Variants in CTNNA3 observed in about 807,000 individuals in gnomAD.
CTNNA3 encodes catenin alpha 3.
A neutral mutation model predicts 95.7 loss-of-function variants in CTNNA3; 76 were observed. That is an observed-to-expected ratio of 0.79 (90% CI 0.66 to 0.96). CTNNA3 has a LOEUF of 0.96. Ranked by LOEUF, CTNNA3 falls within the 40% of genes least tolerant of loss-of-function variation. CTNNA3 has a pLI of 0.00. For synonymous variants in CTNNA3, 431 were observed against 374.4 expected, an observed-to-expected ratio of 1.15 and a Z score of -1.74; for missense variants, 1,191 against 1,089.8, an observed-to-expected ratio of 1.09 and a Z score of -1.31.
intron 7 of CTNNA3, among the ~76,000 whole-genome samples, chr10:66,780,405 A>G (rs200149387): frequency 5.1e-5 from 1 of 19,640 alleles, no homozygotes; most frequent in African/African-American, 1.5e-4. Flanking sequence ...GGACTCTATA[A>G]TAGAGTAACC....
intron 5 of CTNNA3, among the ~76,000 whole-genome samples, chr10:67,427,607 T>A (rs1210973193): frequency 6.6e-6 from 1 of 152,054 alleles, no homozygotes; most frequent in Middle Eastern, 3.2e-3. Flanking sequence ...ATTATGTGTA[T>A]ATGAATATAT....
intron 5 of CTNNA3, among the ~76,000 whole-genome samples, chr10:67,432,513 G>C (rs1846142258): frequency 6.6e-6 from 1 of 151,974 alleles, no homozygotes; most frequent in South Asian, 2.1e-4. Flanking sequence ...CCAGCTCCTG[G>C]TGGTTCCAGG....
intron 5 of CTNNA3, among the ~76,000 whole-genome samples, chr10:67,370,861 T>G (rs1202394989): frequency 6.9e-6 from 1 of 145,048 alleles, no homozygotes; most frequent in African/African-American, 2.7e-5. Flanking sequence ...TAAGAGGAAG[T>G]TTTTTTTGTT....
At chr10:66,415,453 G>A (rs748324957) in intron 11 of CTNNA3, among the ~76,000 whole-genome samples, 6 of 152,022 alleles carry the variant, frequency 3.9e-5, no homozygotes, top group East Asian at 3.9e-4. Context: ...ACTGCCACTC[G>A]CATTGCCTAC....
intron 15 of CTNNA3, among the ~76,000 whole-genome samples, chr10:65,997,042 T>C (rs542837242): frequency 6.6e-6 from 1 of 152,244 alleles, no homozygotes; most frequent in South Asian, 2.1e-4. Context: ...AATCCCATTA[T>C]CTATTCTCCA....
chr10:66,629,395 A>G (rs1845054746), intron 9 of CTNNA3, among the ~76,000 whole-genome samples: 1 of 152,054 alleles, frequency 6.6e-6, no homozygotes, highest in Non-Finnish European at 1.5e-5. Context: ...AATATCTCAA[A>G]TCATGTATTA....
Position 66,968,308 on chromosome 10 carries a change from T to C in CTNNA3, c.1048-192784A>G, listed in dbSNP as rs1007880329. On this transcript the variant is annotated intron_variant, in intron 7 of 17. Transcript: ENST00000433211. ...ATTCTACAGTATGGCAAGTAAGGAATATCAGACACTATTTTAGAGTATATA... is the reference window on the plus strand; with the variant it reads ...ATTCTACAGTATGGCAAGTAAGGAACATCAGACACTATTTTAGAGTATATA... Among the ~76,000 whole-genome samples the C allele has an allele frequency of 6.0e-5, 9 of 150,988 alleles. No homozygotes were observed. The South Asian group carries it at 1.5e-3, about 24-fold the overall frequency.
At chr10:67,737,384 A>G (rs903323610) in intron 1 of CTNNA3, among the ~76,000 whole-genome samples, 22 of 152,178 alleles carry the variant, frequency 1.4e-4, no homozygotes, top group African/African-American at 4.6e-4. Context: ...ATAAACACCT[A>G]TATCAAAAAA....
chr10:67,032,428 T>C (rs1309933305), intron 7 of CTNNA3, among the ~76,000 whole-genome samples: 1 of 152,070 alleles, frequency 6.6e-6, no homozygotes, highest in Non-Finnish European at 1.5e-5. Context: ...ATTTCCAAAG[T>C]ATGAGTTTGT....
intron 12 of CTNNA3, among the ~76,000 whole-genome samples, chr10:66,315,119 TA>T (rs1422153622): frequency 2.0e-5 from 3 of 152,084 alleles, no homozygotes; most frequent in Non-Finnish European, 4.4e-5. Context: ...TTTACTGAGA[TA>T]GCTTATTGCT....
chr10:67,056,780 T>C (rs1855457196), intron 7 of CTNNA3, among the ~76,000 whole-genome samples: 1 of 152,168 alleles, frequency 6.6e-6, no homozygotes, highest in African/African-American at 2.4e-5. Flanking sequence ...ATGATATGAA[T>C]AAATCTGCTA....
chr10:67,663,316 A>T (rs541074463), intron 1 of CTNNA3, among the ~76,000 whole-genome samples: 15 of 151,806 alleles, frequency 9.9e-5, no homozygotes, highest in East Asian at 1.9e-4. Context: ...TTAAAAAAAA[A>T]TTTCTTTTTA....
intron 13 of CTNNA3, among the ~76,000 whole-genome samples, chr10:66,258,735 C>A (rs1392703335): frequency 6.6e-6 from 1 of 152,110 alleles, no homozygotes; most frequent in Non-Finnish European, 1.5e-5. Context: ...AGCTTAAGAG[C>A]CTTAGCAGTG....
At chr10:66,601,278 GA>G (rs1220473467) in intron 10 of CTNNA3, among the ~76,000 whole-genome samples, 2 of 151,274 alleles carry the variant, frequency 1.3e-5, no homozygotes, top group South Asian at 2.1e-4. Context: ...TTGAGAAATT[GA>G]AAAAAAAGTA....
intron 15 of CTNNA3, among the ~76,000 whole-genome samples, chr10:66,001,889 A>C (rs1463399558): frequency 2.6e-5 from 4 of 152,126 alleles, no homozygotes; most frequent in African/African-American, 9.7e-5. Flanking sequence ...AGTCTTGTCC[A>C]TATATTCTTT....
At chr10:66,655,857 A>C (rs1846057751) in intron 9 of CTNNA3, among the ~76,000 whole-genome samples, 1 of 152,088 alleles carries the variant, frequency 6.6e-6, no homozygotes, top group Non-Finnish European at 1.5e-5. Context: ...TAAATGGCAG[A>C]AAGTATATAC....
intron 10 of CTNNA3, among the ~76,000 whole-genome samples, chr10:66,612,147 C>A (rs774825870): frequency 6.6e-6 from 1 of 152,154 alleles, no homozygotes; most frequent in Non-Finnish European, 1.5e-5. Context: ...TCACAATCAT[C>A]TAATTTGTTT....
intron 3 of CTNNA3, among the ~76,000 whole-genome samples, chr10:67,578,996 G>GAT (rs533690910): frequency 0.096 from 8,280 of 86,066 alleles, 301 homozygotes; most frequent in Non-Finnish European, 0.14. Flanking sequence ...TGATCATAGT[G>GAT]ATATATATAT....
At chr10:66,680,041 G>A (rs1236678843) in intron 9 of CTNNA3, among the ~76,000 whole-genome samples, 1 of 152,088 alleles carries the variant, frequency 6.6e-6, no homozygotes, top group Non-Finnish European at 1.5e-5. Flanking sequence ...TCACCAGGCT[G>A]GAGTGCAGTA....
Sources: allele counts gnomAD v4.1 joint callset (sites outside exome capture counted in the v4.1 genomes callset), GRCh38; gene constraint gnomAD v4.1.1; transcripts MANE v1.5; gene names NCBI Gene and HGNC (gene_info 2026-07-23, HGNC 2026-07-21).